Variants in ANKS1B observed in about 807,000 individuals in gnomAD.
The protein encoded by ANKS1B is ankyrin repeat and sterile alpha motif domain containing 1B.
A neutral mutation model predicts 148.3 loss-of-function variants in ANKS1B; 36 were observed. That is an observed-to-expected ratio of 0.24 (90% CI 0.19 to 0.32). ANKS1B has a LOEUF of 0.32. ANKS1B is among the 10% of genes least tolerant of loss of function. The pLI is 1.00. For missense variants in ANKS1B, 1,157 were observed against 1,542.6 expected (o/e 0.75, Z 4.19); for synonymous variants, 542 against 560.8 (o/e 0.97, Z 0.47).
intron 15 of ANKS1B, among the ~76,000 whole-genome samples, chr12:99,133,052 CT>C (rs1302597833): frequency 7.9e-6 from 1 of 126,000 alleles, no homozygotes; most frequent in African/African-American, 3.0e-5. Flanking sequence ...CTTTTTCTTT[CT>C]TTCTTTTTTT....
chr12:99,238,263 G>A (rs558361092), intron 14 of ANKS1B, among the ~76,000 whole-genome samples: 37 of 152,214 alleles, frequency 2.4e-4, no homozygotes, highest in Non-Finnish European at 5.0e-4. Flanking sequence ...GCCTGGCTTG[G>A]TGGGTCCCAC....
chr12:98,809,206 C>T (rs536375806), intron 19 of ANKS1B, among the ~76,000 whole-genome samples: 1 of 152,172 alleles, frequency 6.6e-6, no homozygotes, highest in Admixed American at 6.5e-5. Flanking sequence ...CTCTGCTATC[C>T]TCAGTTCCCT....
chr12:99,011,001 T>A (rs1453615914), intron 17 of ANKS1B, among the ~76,000 whole-genome samples: 1 of 148,556 alleles, frequency 6.7e-6, no homozygotes, highest in Non-Finnish European at 1.5e-5. Flanking sequence ...CCTCGGCCTC[T>A]CAAAGAGCTG....
chr12:99,233,290 G>C (rs1290218552), intron 14 of ANKS1B, among the ~76,000 whole-genome samples: 3 of 152,044 alleles, frequency 2.0e-5, no homozygotes, highest in Non-Finnish European at 4.4e-5. Flanking sequence ...ATTTAATCTT[G>C]CTACAGTCTT....
At chr12:99,842,664 G>A (rs562854146) in intron 1 of ANKS1B, among the ~76,000 whole-genome samples, 28 of 152,028 alleles carry the variant, frequency 1.8e-4, no homozygotes, top group African/African-American at 6.3e-4. Context: ...CCTGTTCCCC[G>A]GCTATGAATT....
chr12:99,700,736 G>C (rs750141615), intron 8 of ANKS1B, among the ~76,000 whole-genome samples: 1 of 152,080 alleles, frequency 6.6e-6, no homozygotes, highest in African/African-American at 2.4e-5. Flanking sequence ...CTGGATAAAG[G>C]GGAACTACTG....
rs992396548 is a variant in ANKS1B, at chr12:99,806,580, A to G, written c.493T>C (p.Leu165=). The change falls in exon 4 of 27, where the codon TTG becomes CTG. Residue 165 remains leucine (L), a synonymous_variant. Transcript: ENST00000683438. The stretch of plus-strand genomic sequence containing the variant: ...CGTCCGTAGAGTGCCGCCAAGTCCA[A>G]AGGTGTTTCCAGCTTGCTATTTCTA... The part of the protein sequence containing the change: ...TIRNSKLETP[L]DLAALYGRLR... The G allele has an allele frequency of 7.7e-5, 124 of 1,613,796 alleles. No homozygotes were observed. The highest frequency in any genetic ancestry group is 1.1e-4 in the Non-Finnish European group (124 of 1,179,878).
chr12:99,059,739 T>G (rs1488976591), intron 16 of ANKS1B, among the ~76,000 whole-genome samples: 1 of 131,362 alleles, frequency 7.6e-6, no homozygotes, highest in Non-Finnish European at 1.6e-5. Flanking sequence ...TAGTAACCTA[T>G]TTGTTTACCC....
intron 9 of ANKS1B, among the ~76,000 whole-genome samples, chr12:99,549,520 TTTTC>T (rs370755149): frequency 5.3e-4 from 80 of 152,366 alleles, no homozygotes; most frequent in African/African-American, 1.4e-3. Flanking sequence ...TCCCTCACTC[TTTTC>T]TTTCTATCTT....
At chr12:99,533,569 G>A (rs978154321) in intron 9 of ANKS1B, among the ~76,000 whole-genome samples, 1 of 152,168 alleles carries the variant, frequency 6.6e-6, no homozygotes, top group Non-Finnish European at 1.5e-5. Context: ...CCAGTACTGT[G>A]CTGAATAGAA....
chr12:98,806,145 T>C (rs1285738093), intron 20 of ANKS1B, among the ~76,000 whole-genome samples: 1 of 152,232 alleles, frequency 6.6e-6, no homozygotes, highest in Non-Finnish European at 1.5e-5. Context: ...GTGCTGGGAA[T>C]TACAGGCATG....
chr12:99,861,479 G>A (rs4764735), intron 1 of ANKS1B, among the ~76,000 whole-genome samples: 94,877 of 151,962 alleles, frequency 0.62, 31,272 homozygotes, highest in African/African-American at 0.79. Context: ...CTCATGATCC[G>A]TATCAACCTG....
At chr12:99,411,838 T>C (rs1385889427) in intron 11 of ANKS1B, among the ~76,000 whole-genome samples, 2 of 152,200 alleles carry the variant, frequency 1.3e-5, no homozygotes, top group African/African-American at 2.4e-5. Context: ...TGCGTGGATA[T>C]TGGATCTCTT....
intron 17 of ANKS1B, among the ~76,000 whole-genome samples, chr12:98,862,848 T>C (rs2099606402): frequency 6.6e-6 from 1 of 152,186 alleles, no homozygotes; most frequent in African/African-American, 2.4e-5. Context: ...GTTCTGAAAT[T>C]TGAGGTGCAA....
chr12:98,801,211 G>T lies in ANKS1B; in HGVS notation c.3142-86C>A. Reference sequence around the variant, plus strand: ...CTACCCTGAGCTCACCTTACACACAGGTGCTGTGAATGTACCAAAATGCAT... The same window carrying T: ...CTACCCTGAGCTCACCTTACACACATGTGCTGTGAATGTACCAAAATGCAT... On this transcript the variant is annotated intron_variant, in intron 20 of 26. Coordinates refer to ENST00000683438, the MANE Select transcript of ANKS1B (RefSeq NM_001352186.2). The surrounding 1 kb of genome is among the most constrained non-coding windows in gnomAD (Gnocchi z 5.2). 1 of 1,421,480 alleles carries T rather than the reference G, an allele frequency of 7.0e-7. No individual in the cohort carries two copies. Among genetic ancestry groups the T allele is most frequent in the African/African-American group, 1.4e-5 (1 of 70,698 alleles). The allele number at this position is 1,421,480 out of a possible 1,614,324, so 88.1% of individuals were successfully genotyped here. A position where few individuals can be genotyped will look rare whatever the true frequency, so the allele number is the denominator to read the frequency against.
At position 99,984,321 on chromosome 12, in the gene ANKS1B, C is replaced by T; in HGVS notation, c.-84G>A. 2 of 1,336,942 alleles carry T rather than the reference C, an allele frequency of 1.5e-6. No homozygotes were observed. Among genetic ancestry groups the T allele is most frequent in the Non-Finnish European group, 2.0e-6 (2 of 988,820 alleles). The allele number at this position is 1,336,942 out of a possible 1,614,324, so 82.8% of individuals were successfully genotyped here. ...ACCCCCACTCCCCAAAATCCAGGGC[C>T]CTCTTCGCCCCACCCTAAAATAATG... On this transcript the variant is annotated 5_prime_UTR_variant, in exon 1 of 27. Transcript: ENST00000683438.
At chr12:99,513,771 T>C (rs1390917270) in intron 9 of ANKS1B, among the ~76,000 whole-genome samples, 1 of 152,046 alleles carries the variant, frequency 6.6e-6, no homozygotes, top group Non-Finnish European at 1.5e-5. Flanking sequence ...CACCATTATA[T>C]TTCACCTGAA....
At chr12:99,107,929 A>C (rs2059563605) in intron 15 of ANKS1B, among the ~76,000 whole-genome samples, 1 of 152,190 alleles carries the variant, frequency 6.6e-6, no homozygotes, top group Non-Finnish European at 1.5e-5. Flanking sequence ...AACCATAGCG[A>C]CATTACACTT....
chr12:98,885,196 A>C (rs985316358), intron 17 of ANKS1B, among the ~76,000 whole-genome samples: 5 of 152,188 alleles, frequency 3.3e-5, no homozygotes, highest in Admixed American at 6.5e-5. Context: ...ATCTAACCAA[A>C]GGAGAAAAAA....
Sources: gnomAD v4.1 joint callset for allele counts (sites outside exome capture counted in the v4.1 genomes callset) on GRCh38, gnomAD v4.1.1 for gene constraint, Gnocchi (gnomAD v3.1) non-coding constraint, MANE v1.5 for transcripts, NCBI Gene and HGNC (gene_info 2026-07-23, HGNC 2026-07-21) for gene names.